PROS1: variants seen among roughly 807,000 people sequenced by gnomAD.
The protein encoded by PROS1 is protein S, also known as vitamin K-dependent protein S.
In PROS1, 29 loss-of-function variants were observed where a neutral mutation model predicts 75.9. That is an observed-to-expected ratio of 0.38 (90% CI 0.28 to 0.52). The LOEUF (loss-of-function observed/expected upper bound fraction) is 0.52. PROS1 is among the 20% of genes least tolerant of loss of function. The pLI is 0.83. For synonymous variants in PROS1, 245 were observed against 280.6 expected (o/e 0.87, Z 1.27); for missense variants, 680 against 810.3 (o/e 0.84, Z 1.95).
At chr3:93,947,101 A>G (rs2107236209) in intron 1 of PROS1, among the ~76,000 whole-genome samples, 1 of 152,330 alleles carries the variant, frequency 6.6e-6, no homozygotes, top group East Asian at 1.9e-4. Flanking sequence ...CGAAATGCAA[A>G]TCAAAACCAC....
intron 1 of PROS1, among the ~76,000 whole-genome samples, chr3:93,962,337 T>G (rs1709719430): frequency 6.6e-6 from 1 of 152,174 alleles, no homozygotes; most frequent in East Asian, 1.9e-4. Context: ...GAGGCTGTAC[T>G]TCAACCACAA....
chr3:93,898,512 C>T lies in PROS1; in HGVS notation c.785G>A (p.Gly262Asp), dbSNP rs1708536731. Residue 262 changes from glycine to aspartate, a missense_variant, in exon 8 of 15, where the codon GGT (glycine) becomes GAT (aspartate). By Grantham distance (94) the Gly-to-Asp change is moderately conservative. Coordinates refer to ENST00000394236, the MANE Select transcript of PROS1 (RefSeq NM_000313.4). ...CTTCCCATCACAATAGCAAGTGTAA[C>T]CTCCAGGGTAATTGACACAAAGCTG... Reference protein sequence around the residue: ...CAQLCVNYPGGYTCYCDGKKG... With the variant: ...CAQLCVNYPGDYTCYCDGKKG... 6.2e-7 allele frequency: 1 copy of T among 1,612,776 alleles called. No individual in the cohort carries two copies. The highest frequency in any genetic ancestry group is 8.5e-7 in the Non-Finnish European group (1 of 1,179,044).
At chr3:93,892,896 C>A (rs543839404) in intron 10 of PROS1, 37 bp downstream of exon 10, 3 of 1,584,112 alleles carry the variant, frequency 1.9e-6, no homozygotes, top group South Asian at 2.2e-5. Context: ...CAGACTGCAT[C>A]AAAGTGGGAA....
chr3:93,955,556 T>C (rs895959354), intron 1 of PROS1, among the ~76,000 whole-genome samples: 1 of 150,072 alleles, frequency 6.7e-6, no homozygotes, highest in Non-Finnish European at 1.5e-5. Flanking sequence ...ATGGAGAACA[T>C]AACACAGGAC....
chr3:93,968,179 T>C (rs1374863021), intron 1 of PROS1, among the ~76,000 whole-genome samples: 1 of 152,198 alleles, frequency 6.6e-6, no homozygotes, highest in Non-Finnish European at 1.5e-5. Flanking sequence ...CCTGTAAATA[T>C]GACCTTATTT....
In PROS1 at chr3:93,948,533, G is replaced by T. The variant is rs559302627; in HGVS notation, c.77-21126C>A. Among the ~76,000 whole-genome samples, 5 of 152,236 alleles carry T rather than the reference G, an allele frequency of 3.3e-5. No homozygotes were observed. In the South Asian group the frequency reaches 1.0e-3, roughly 32 times the overall value. On this transcript the variant is annotated intron_variant, in intron 1 of 14. Coordinates refer to ENST00000394236, the MANE Select transcript of PROS1 (RefSeq NM_000313.4). ...TGTTAAAGTCTCCCATTATTATTGT[G>T]TGGGAGTCTAAGTCTCTTTTATGCA...
intron 1 of PROS1, among the ~76,000 whole-genome samples, chr3:93,957,549 G>T (rs1709623498): frequency 6.6e-6 from 1 of 152,210 alleles, no homozygotes; most frequent in Non-Finnish European, 1.5e-5. Flanking sequence ...ACAACTAAAA[G>T]AGGACTTCAT....
At chr3:93,957,734 T>C (rs899959346) in intron 1 of PROS1, among the ~76,000 whole-genome samples, 2 of 152,164 alleles carry the variant, frequency 1.3e-5, no homozygotes, top group African/African-American at 4.8e-5. Context: ...GATATAAAAA[T>C]CCAAGGATGC....
intron 1 of PROS1, among the ~76,000 whole-genome samples, chr3:93,970,505 T>A (rs1709862672): frequency 6.6e-6 from 1 of 151,908 alleles, no homozygotes; most frequent in Admixed American, 6.6e-5. Context: ...CCGGCTAATT[T>A]TTTTTTTTAA....
chr3:93,956,436 G>T (rs1232136669), intron 1 of PROS1, among the ~76,000 whole-genome samples: 2 of 151,972 alleles, frequency 1.3e-5, no homozygotes, highest in Admixed American at 6.6e-5. Context: ...GGCTGAGGCT[G>T]CAGTAAGCTG....
intron 1 of PROS1, among the ~76,000 whole-genome samples, chr3:93,955,938 T>A (rs1709591193): frequency 6.6e-6 from 1 of 152,182 alleles, no homozygotes; most frequent in Admixed American, 6.6e-5. Flanking sequence ...ACTGACCATA[T>A]ATTGAACACT....
chr3:93,936,381 C>A (rs930125982), intron 1 of PROS1, among the ~76,000 whole-genome samples: 1 of 152,036 alleles, frequency 6.6e-6, no homozygotes, highest in African/African-American at 2.4e-5. Flanking sequence ...ATGTAACAAA[C>A]CTGCACATGT....
chr3:93,889,775 TG>T (rs1708403839), intron 10 of PROS1, among the ~76,000 whole-genome samples: 1 of 152,174 alleles, frequency 6.6e-6, no homozygotes, highest in Non-Finnish European at 1.5e-5. Flanking sequence ...CTTCATAAGC[TG>T]AGGATCTACA....
chr3:93,923,903 C>CAA (rs11445254), intron 3 of PROS1, among the ~76,000 whole-genome samples: 31 of 112,196 alleles, frequency 2.8e-4, no homozygotes, highest in African/African-American at 4.9e-4. Context: ...CGCTGCCTCA[C>CAA]AAAAAAAAAA....
chr3:93,952,358 C>A (rs1020861034), intron 1 of PROS1, among the ~76,000 whole-genome samples: 4 of 152,114 alleles, frequency 2.6e-5, no homozygotes, highest in Non-Finnish European at 4.4e-5. Flanking sequence ...TCTAAAAGAA[C>A]AGAAATTATA....
chr3:93,935,568 C>T lies in PROS1; in HGVS notation c.77-8161G>A, dbSNP rs114070185. Among the ~76,000 whole-genome samples the T allele has an allele frequency of 1.6e-3, 242 of 152,200 alleles. 2 individuals are homozygous for T. Among genetic ancestry groups the T allele is most frequent in the Non-Finnish European group, 2.9e-3 (194 of 68,010 alleles). The stretch of plus-strand genomic sequence containing the variant: ...TAATTCTCCTAATTTTGCAATATCG[C>T]CCTACTTGCAATAGCCCCTAGATCC... On this transcript the variant is annotated intron_variant, in intron 1 of 14. Transcript: ENST00000394236.
chr3:93,910,736 G>C (rs1207626943), intron 3 of PROS1, 31 bp from the exon 4 acceptor site: 1 of 1,539,430 alleles, frequency 6.5e-7, no homozygotes, highest in Non-Finnish European at 8.9e-7. Context: ...AATCTTCTTA[G>C]AGTAGACACA....
Position 93,925,759 on chromosome 3 carries a change from G to C in PROS1, c.234+1491C>G, listed in dbSNP as rs8178612. 9.7e-4 allele frequency among the ~76,000 whole-genome samples: 145 copies of C among 150,258 alleles called. 1 individual carries two copies. The highest frequency in any genetic ancestry group is 3.4e-3 in the African/African-American group (140 of 40,942). On this transcript the variant is annotated intron_variant, in intron 2 of 14. Coordinates refer to ENST00000394236, the MANE Select transcript of PROS1 (RefSeq NM_000313.4). ...GGATTGCCTGAGCGGGGGGGTCAGG[G>C]CTGCAGTGAACCATGATCATGCCAC...
intron 6 of PROS1, among the ~76,000 whole-genome samples, chr3:93,903,210 T>C (rs550838241): frequency 6.6e-6 from 1 of 152,264 alleles, no homozygotes; most frequent in East Asian, 1.9e-4. Flanking sequence ...TTATACGTTA[T>C]TACTTACATA....
Sources: gnomAD v4.1 joint callset for allele counts (sites outside exome capture counted in the v4.1 genomes callset) on GRCh38, gnomAD v4.1.1 for gene constraint, MANE v1.5 for transcripts, NCBI Gene and HGNC (gene_info 2026-07-23, HGNC 2026-07-21) for gene names.